GCC2: variants seen among roughly 807,000 people sequenced by gnomAD.
The protein encoded by GCC2 is GRIP and coiled-coil domain containing 2.
Under a neutral mutation model 210.6 loss-of-function variants are expected in GCC2, and 120 were observed. The ratio of observed to expected loss-of-function variants is 0.57; its 90% CI spans 0.49 to 0.66. The LOEUF (loss-of-function observed/expected upper bound fraction) is 0.66. GCC2 is among the 30% of genes least tolerant of loss of function. The probability of loss-of-function intolerance (pLI) is 0.00; values close to 1 mark genes in which losing one functional copy is unlikely to be tolerated. For synonymous variants in GCC2, 703 were observed against 652.7 expected (o/e 1.08, Z -1.17); for missense variants, 1,868 against 1,871.9 (o/e 1.00, Z 0.04).
intron 2 of GCC2, among the ~76,000 whole-genome samples, chr2:108,450,571 A>G (rs1447186264): frequency 6.6e-6 from 1 of 152,234 alleles, no homozygotes; most frequent in Non-Finnish European, 1.5e-5. Context: ...TACAGAATTG[A>G]CGTTGCATTT....
intron 15 of GCC2, 42 bp from the exon 16 acceptor site, chr2:108,486,469 A>AG: frequency 6.2e-7 from 1 of 1,606,142 alleles, no homozygotes; most frequent in Non-Finnish European, 8.5e-7. Context: ...TAACTAGTGA[A>AG]GATAGGATTT....
intron 13 of GCC2, among the ~76,000 whole-genome samples, chr2:108,485,322 T>TA (rs79842498): frequency 0.017 from 2,374 of 136,770 alleles, 62 homozygotes; most frequent in African/African-American, 0.06. Context: ...AAAGTATAAT[T>TA]AAAAAAAAAA....
At chr2:108,488,714 C>T (rs963882915) in intron 17 of GCC2, among the ~76,000 whole-genome samples, 5 of 152,120 alleles carry the variant, frequency 3.3e-5, no homozygotes, top group Non-Finnish European at 7.4e-5. Context: ...AGAGAGAGGG[C>T]ATTCCATGGC....
chr2:108,452,289 T>G (rs928156508), intron 3 of GCC2, 110 bp from the exon 4 acceptor site: 10 of 717,650 alleles, frequency 1.4e-5, no homozygotes, highest in Non-Finnish European at 2.3e-5. Context: ...TGCTTAAATA[T>G]ATTCTAATTT....
intron 9 of GCC2, among the ~76,000 whole-genome samples, chr2:108,478,542 A>T (rs1681662867): frequency 6.6e-6 from 1 of 152,226 alleles, no homozygotes. Context: ...TCCTAGAGGG[A>T]CAATAATTTG....
chr2:108,452,870 T>G (rs930000659), intron 4 of GCC2, among the ~76,000 whole-genome samples: 8 of 151,998 alleles, frequency 5.3e-5, no homozygotes, highest in Admixed American at 1.3e-4. Flanking sequence ...ATTTTTGTAT[T>G]TTAAGTAGAG....
At chr2:108,451,969 G>A (rs1309326957) in intron 3 of GCC2, among the ~76,000 whole-genome samples, 1 of 151,218 alleles carries the variant, frequency 6.6e-6, no homozygotes, top group African/African-American at 2.4e-5. Context: ...TCAGCCTCCC[G>A]AGTAACTGGG....
intron 9 of GCC2, among the ~76,000 whole-genome samples, chr2:108,478,390 C>CA (rs1681654803): frequency 6.6e-6 from 1 of 152,132 alleles, no homozygotes; most frequent in African/African-American, 2.4e-5. Flanking sequence ...CATGTACCTA[C>CA]GCTCTATTAG....
intron 4 of GCC2, among the ~76,000 whole-genome samples, chr2:108,466,565 C>T (rs1213689923): frequency 1.3e-5 from 2 of 152,084 alleles, no homozygotes; most frequent in Admixed American, 6.5e-5. Flanking sequence ...CTCCATCTCC[C>T]GGGTTCATGC....
At chr2:108,462,188 A>C (rs1313061634) in intron 4 of GCC2, among the ~76,000 whole-genome samples, 1 of 143,630 alleles carries the variant, frequency 7.0e-6, no homozygotes, top group African/African-American at 2.5e-5. Context: ...GAGATACCCC[A>C]GTAATTCAAA....
At chr2:108,477,394 A>C (rs752937315) in intron 9 of GCC2, among the ~76,000 whole-genome samples, 1 of 152,220 alleles carries the variant, frequency 6.6e-6, no homozygotes, top group Non-Finnish European at 1.5e-5. Flanking sequence ...ACACTTTACA[A>C]GTGAGGACTC....
chr2:108,450,219 T>C (rs1679856353), intron 2 of GCC2, among the ~76,000 whole-genome samples: 1 of 152,238 alleles, frequency 6.6e-6, no homozygotes, highest in Non-Finnish European at 1.5e-5. Flanking sequence ...GTACTGTTGT[T>C]ACCCTCCTTT....
chr2:108,481,908 G>A (rs1035940087), intron 10 of GCC2, 92 bp downstream of exon 10: 1 of 954,268 alleles, frequency 1.0e-6, no homozygotes, highest in South Asian at 2.0e-5. Flanking sequence ...AATATAGTCG[G>A]AAACAGAATT....
At chr2:108,504,670 T>C (rs1020072599) in intron 22 of GCC2, among the ~76,000 whole-genome samples, 3 of 152,202 alleles carry the variant, frequency 2.0e-5, no homozygotes, top group Non-Finnish European at 4.4e-5. Context: ...GGTAAGTCAG[T>C]TTTGCTCCCC....
Position 108,461,693 on chromosome 2 carries a change from G to A in GCC2, c.217-7287G>A, listed in dbSNP as rs183662409. Among the ~76,000 whole-genome samples, 81 of 151,702 alleles carry A rather than the reference G, an allele frequency of 5.3e-4. 1 individual carries two copies. In the East Asian group the frequency reaches 0.015, roughly 27 times the overall value. Reference sequence around the variant, plus strand: ...AATTTTTTGTATTTTTAGTAGAGACGGGGTTTCACCATGTTGGCCAGGCTG... The same window carrying A: ...AATTTTTTGTATTTTTAGTAGAGACAGGGTTTCACCATGTTGGCCAGGCTG... On this transcript the variant is annotated intron_variant, in intron 4 of 22. Coordinates refer to ENST00000309863, the MANE Select transcript of GCC2 (RefSeq NM_181453.4).
intron 3 of GCC2, 66 bp downstream of exon 3, chr2:108,451,178 T>A (rs536120243): frequency 4.5e-5 from 42 of 940,056 alleles, no homozygotes; most frequent in South Asian, 1.1e-4. Flanking sequence ...TGGTAGTTTT[T>A]AAAATAATGC....
chr2:108,504,547 T>C (rs978689819), intron 22 of GCC2, among the ~76,000 whole-genome samples: 5 of 152,174 alleles, frequency 3.3e-5, no homozygotes, highest in African/African-American at 1.2e-4. Flanking sequence ...CTGGTAAGTA[T>C]AGATTGCTCC....
intron 19 of GCC2, among the ~76,000 whole-genome samples, 195 bp downstream of exon 19, chr2:108,492,985 C>T (rs1329669891): frequency 6.6e-6 from 1 of 152,200 alleles, no homozygotes; most frequent in Non-Finnish European, 1.5e-5. Flanking sequence ...ATTATACTTA[C>T]AGAAGTCTGT....
chr2:108,467,055 G>A (rs1024235339), intron 4 of GCC2, among the ~76,000 whole-genome samples: 2 of 152,032 alleles, frequency 1.3e-5, no homozygotes, highest in Non-Finnish European at 2.9e-5. Flanking sequence ...TGATATCTAG[G>A]AGAGTAAGTC....
Sources: gnomAD v4.1 joint callset for allele counts (sites outside exome capture counted in the v4.1 genomes callset) on GRCh38, gnomAD v4.1.1 for gene constraint, MANE v1.5 for transcripts, NCBI Gene and HGNC (gene_info 2026-07-23, HGNC 2026-07-21) for gene names.